Variants in GLG1 observed in about 807,000 individuals in gnomAD.
GLG1 encodes the protein Golgi apparatus protein 1.
In GLG1, 38 loss-of-function variants were observed where a neutral mutation model predicts 160.5. That is an observed-to-expected ratio of 0.24 (90% CI 0.18 to 0.31). GLG1 has a LOEUF of 0.31. Among genes scored for constraint, GLG1 ranks in the 10% least tolerant of loss-of-function variants. GLG1 has a pLI of 1.00. For missense variants in GLG1, 1,373 were observed against 1,505.2 expected, an observed-to-expected ratio of 0.91 and a Z score of 1.45; for synonymous variants, 644 against 543.4, an observed-to-expected ratio of 1.19 and a Z score of -2.57.
chr16:74,489,316 C>T (rs578105277), intron 8 of GLG1, among the ~76,000 whole-genome samples: 4 of 151,966 alleles, frequency 2.6e-5, no homozygotes, highest in South Asian at 2.1e-4. Context: ...ACTAAAAATA[C>T]AAAAATTAGC....
chr16:74,462,843 C>T (rs1373856922), intron 20 of GLG1: 1 of 575,120 alleles, frequency 1.7e-6, no homozygotes, highest in Non-Finnish European at 3.1e-6. Flanking sequence ...CCTCAGGAAT[C>T]TTTCTACTCT....
At chr16:74,567,449 T>C (rs2018687873) in intron 1 of GLG1, among the ~76,000 whole-genome samples, 5 of 151,960 alleles carry the variant, frequency 3.3e-5, no homozygotes, top group Admixed American at 3.3e-4. Flanking sequence ...TGGGGTTTCC[T>C]AGGACACAGG....
intron 2 of GLG1, among the ~76,000 whole-genome samples, chr16:74,519,760 G>A (rs370213970): frequency 1.3e-5 from 2 of 151,932 alleles, no homozygotes; most frequent in East Asian, 1.9e-4. Flanking sequence ...TTTTGCTTAC[G>A]TTAATTACCT....
At chr16:74,463,162 G>A in intron 20 of GLG1, 194 bp downstream of exon 20, 1 of 572,746 alleles carries the variant, frequency 1.7e-6, no homozygotes, top group Non-Finnish European at 3.0e-6. Flanking sequence ...GGTTCTTGTG[G>A]CCTCCTCTCT....
chr16:74,469,722 C>T (rs1357837943), intron 16 of GLG1: 1 of 485,300 alleles, frequency 2.1e-6, no homozygotes, highest in African/African-American at 1.9e-5. Flanking sequence ...ACAATCCAGC[C>T]CTACTTGGTC....
At chr16:74,595,005 A>G (rs113744287) in intron 1 of GLG1, among the ~76,000 whole-genome samples, 2,154 of 147,626 alleles carry the variant, frequency 0.015, 22 homozygotes, top group Non-Finnish European at 0.022. Context: ...TGGCTAACAC[A>G]GTGAAACCTC....
intron 7 of GLG1, 99 bp downstream of exon 7, chr16:74,492,858 C>T (rs2016052086): frequency 5.0e-6 from 3 of 596,108 alleles, no homozygotes; most frequent in Middle Eastern, 4.6e-4. Flanking sequence ...CTCAAAGAAG[C>T]AAATATGGGA....
Position 74,474,617 on chromosome 16 carries a change from GA to G in GLG1, c.1980del (p.Gln661ArgfsTer14). On this transcript the variant is annotated frameshift_variant, in exon 13 of 26. Transcript: ENST00000422840. LOFTEE classifies it high-confidence loss of function. ...ACCACCAAGTCATCCAGATGGTCCT[GA>G]AGGCACTCCAGCTCCTGCAAATATA... ...KTETGQELEC[L>X]QDHLDDLVVE... 1.3e-6 allele frequency: 2 copies of G among 1,553,824 alleles called. No individual in the cohort carries two copies. The highest frequency in any genetic ancestry group is 8.9e-7 in the Non-Finnish European group (1 of 1,124,858).
At chr16:74,519,126 A>C (rs1373780209) in intron 2 of GLG1, among the ~76,000 whole-genome samples, 2 of 152,232 alleles carry the variant, frequency 1.3e-5, no homozygotes, top group Non-Finnish European at 2.9e-5. Flanking sequence ...AAAATGTGGC[A>C]CATATACACT....
chr16:74,479,051 CAAAAAA>C (rs34125450), intron 11 of GLG1, among the ~76,000 whole-genome samples: 50 of 17,580 alleles, frequency 2.8e-3, no homozygotes, highest in African/African-American at 4.6e-3. Flanking sequence ...ATTAAAAATC[CAAAAAA>C]AAAAAAAAAA....
Position 74,470,000 on chromosome 16 carries a change from G to T in GLG1, c.2303C>A (p.Pro768Gln). The T allele has an allele frequency of 6.2e-7, 1 of 1,600,066 alleles. No individual in the cohort carries two copies. The highest frequency in any genetic ancestry group is 8.6e-7 in the Non-Finnish European group (1 of 1,167,234). Reference sequence around the variant, plus strand: ...AGCTACATACTTCTTTTTTATGTTTGGGCAAAGCTTCAACACGTCCTCCTT... The same window carrying T: ...AGCTACATACTTCTTTTTTATGTTTTGGCAAAGCTTCAACACGTCCTCCTT... ...ACKEDVLKLC[P>Q]NIKKKVDVVI... The change falls in exon 16 of 26, where the codon CCA becomes CAA. Residue 768 changes from proline to glutamine, a missense_variant. By Grantham distance (76) the Pro-to-Gln change is moderately conservative. Around this residue, in one of 4 missense-constraint regions of GLG1, gnomAD observed 491 missense variants for 632.1 expected, o/e 0.78. Coordinates refer to ENST00000422840, the MANE Select transcript of GLG1 (RefSeq NM_001145667.2).
At chr16:74,544,868 G>C (rs1354056919) in intron 1 of GLG1, among the ~76,000 whole-genome samples, 1 of 151,972 alleles carries the variant, frequency 6.6e-6, no homozygotes, top group East Asian at 1.9e-4. Flanking sequence ...CTAGTAGTAA[G>C]TATGTAATAA....
chr16:74,569,470 A>G (rs1433269399), intron 1 of GLG1, among the ~76,000 whole-genome samples: 1 of 152,220 alleles, frequency 6.6e-6, no homozygotes, highest in African/African-American at 2.4e-5. Flanking sequence ...AACCTGGAAC[A>G]CATCCACCTC....
In GLG1 at chr16:74,447,739, G is replaced by C. The variant is rs566570026; in HGVS notation, c.*5428C>G. 6.6e-6 allele frequency: 1 copy of C among 152,408 alleles called. No individual in the cohort carries two copies. The highest frequency in any genetic ancestry group is 2.4e-5 in the African/African-American group (1 of 41,592). 9.4% of individuals were successfully genotyped at this position (152,408 alleles called of 1,614,324 possible). A position where few individuals can be genotyped will look rare whatever the true frequency, so the allele number is the denominator to read the frequency against. On this transcript the variant is annotated 3_prime_UTR_variant, in exon 26 of 26. Coordinates refer to ENST00000422840, the MANE Select transcript of GLG1 (RefSeq NM_001145667.2). ...GGACTGGTTTGGGAACACTGTGCTG[G>C]GGGAAGCTGCCCAGGAAGCGCTCCC... is the stretch of plus-strand genomic sequence containing the variant.
rs183885575 is a variant in GLG1, at chr16:74,496,570, G to C, written c.849C>G (p.Pro283=). Reference sequence around the variant, plus strand: ...TGCAGAGTTCAGAAACTTGAATCTTGGGTTCTCTTTCTTCTGCTTCTTTCA... The same window carrying C: ...TGCAGAGTTCAGAAACTTGAATCTTCGGTTCTCTTTCTTCTGCTTCTTTCA... ...GLVKEAEERE[P]KIQVSELCKK... is the part of the protein sequence containing the mutation. Residue 283 remains proline (P), a synonymous_variant, in exon 5 of 26, where the codon CCC becomes CCG. Transcript: ENST00000422840. 1.2e-6 allele frequency: 2 copies of C among 1,613,400 alleles called. No homozygotes were observed. The highest frequency in any genetic ancestry group is 1.7e-6 in the Non-Finnish European group (2 of 1,179,482).
chr16:74,565,424 G>A (rs3923202), intron 1 of GLG1, among the ~76,000 whole-genome samples: 13,936 of 152,166 alleles, frequency 0.092, 962 homozygotes, highest in South Asian at 0.34. Flanking sequence ...TTTTAAGTTC[G>A]GGCCTAAAGA....
chr16:74,467,875 G>A, intron 17 of GLG1, 27 bp from the exon 18 acceptor site: 2 of 1,494,788 alleles, frequency 1.3e-6, no homozygotes, highest in Non-Finnish European at 1.9e-6. Flanking sequence ...GCATGGAAAG[G>A]TGAGCTTGGT....
At chr16:74,518,486 T>C (rs1309701004) in intron 2 of GLG1, among the ~76,000 whole-genome samples, 1 of 152,172 alleles carries the variant, frequency 6.6e-6, no homozygotes, top group Non-Finnish European at 1.5e-5. Flanking sequence ...TTGGGAAAAC[T>C]GGCTAGCCAT....
intron 7 of GLG1, 100 bp from the exon 8 acceptor site, chr16:74,491,315 A>G (rs2015976018): frequency 1.2e-6 from 1 of 841,644 alleles, no homozygotes; most frequent in Admixed American, 1.9e-5. Flanking sequence ...TCTGTAATAC[A>G]ATATACCTAT....
Sources: allele counts gnomAD v4.1 joint callset (sites outside exome capture counted in the v4.1 genomes callset), GRCh38; gene constraint gnomAD v4.1.1; regional missense constraint gnomAD v4.1.1; transcripts MANE v1.5; gene names NCBI Gene and HGNC (gene_info 2026-07-23, HGNC 2026-07-21).